The following UNC80 variants were observed in gnomAD, a reference collection of about 807,000 sequenced individuals.
UNC80 encodes the protein protein unc-80 homolog.
In UNC80, 164 loss-of-function variants were observed where a neutral mutation model predicts 384.6. That is an observed-to-expected ratio of 0.43 (90% CI 0.38 to 0.49). UNC80 has a LOEUF of 0.49. Ranked by LOEUF, UNC80 falls within the 20% of genes least tolerant of loss-of-function variation. UNC80 has a pLI of 0.00. For synonymous variants in UNC80, 1,486 were observed against 1,527.8 expected (o/e 0.97, Z 0.64); for missense variants, 3,330 against 4,143.0 (o/e 0.80, Z 5.39).
chr2:209,780,541 G>T (rs2077099078), intron 4 of UNC80, among the ~76,000 whole-genome samples: 1 of 152,038 alleles, frequency 6.6e-6, no homozygotes, highest in Non-Finnish European at 1.5e-5. Context: ...TTGGCATTTG[G>T]GGCCAGATAA....
chr2:209,984,553 C>T (rs1389989171), intron 60 of UNC80, among the ~76,000 whole-genome samples: 1 of 152,144 alleles, frequency 6.6e-6, no homozygotes, highest in East Asian at 1.9e-4. Flanking sequence ...CAGATTCATT[C>T]TGCAATGTGT....
intron 13 of UNC80, among the ~76,000 whole-genome samples, chr2:209,823,119 A>G (rs2080258419): frequency 6.6e-6 from 1 of 152,220 alleles, no homozygotes; most frequent in Non-Finnish European, 1.5e-5. Flanking sequence ...TAAGATAGAA[A>G]GGAAGATCTA....
chr2:209,943,557 T>C (rs1157841079), intron 45 of UNC80, 43 bp downstream of exon 45: 1 of 1,546,952 alleles, frequency 6.5e-7, no homozygotes, highest in Non-Finnish European at 8.7e-7. Context: ...ACCAACAAAA[T>C]GAGAAAAGCA....
chr2:209,969,963 G>A, intron 53 of UNC80, 72 bp downstream of exon 53: 3 of 1,521,746 alleles, frequency 2.0e-6, no homozygotes, highest in Non-Finnish European at 1.8e-6. Context: ...CTGAATTGAA[G>A]ATTTACAGGT....
chr2:209,808,973 C>G, intron 7 of UNC80: 1 of 318,600 alleles, frequency 3.1e-6, no homozygotes. Flanking sequence ...GCCTTCCTGG[C>G]GCTCCAAGCA....
At chr2:209,777,174 A>G (rs1012432270) in intron 3 of UNC80, 84 bp from the exon 4 acceptor site, 1 of 1,406,770 alleles carries the variant, frequency 7.1e-7, no homozygotes. Context: ...GAAAGGAGGG[A>G]TATTCTTCCC....
intron 21 of UNC80, among the ~76,000 whole-genome samples, chr2:209,847,112 A>G (rs2082225784): frequency 6.6e-6 from 1 of 151,988 alleles, no homozygotes; most frequent in African/African-American, 2.4e-5. Flanking sequence ...TCTTGCCTTT[A>G]TAACTGTCCA....
intron 38 of UNC80, among the ~76,000 whole-genome samples, chr2:209,933,303 T>A (rs564062689): frequency 3.9e-5 from 6 of 151,920 alleles, no homozygotes; most frequent in African/African-American, 1.5e-4. Flanking sequence ...GCTGATAAAA[T>A]AATGTAAGGT....
intron 25 of UNC80, among the ~76,000 whole-genome samples, chr2:209,884,173 AC>A (rs2085561637): frequency 6.6e-6 from 1 of 152,230 alleles, no homozygotes; most frequent in African/African-American, 2.4e-5. Context: ...CTTGAGAACA[AC>A]AAAGGAATAT....
chr2:209,971,952 A>AT (rs1487803175), intron 54 of UNC80, among the ~76,000 whole-genome samples: 2 of 152,172 alleles, frequency 1.3e-5, no homozygotes, highest in African/African-American at 4.8e-5. Context: ...CCTGACCATA[A>AT]GTATTCTAAT....
At chr2:209,789,407 A>G in intron 5 of UNC80, 125 bp from the exon 6 acceptor site, 1 of 667,758 alleles carries the variant, frequency 1.5e-6, no homozygotes, top group South Asian at 2.0e-5. Context: ...AATATGCGTT[A>G]ATGTCTTCTT....
In UNC80 at chr2:209,820,615, ATGGAGGAGGAGG is replaced by A. The variant is rs767181561; in HGVS notation, c.2277_2288del (p.Gly763_Gly766del). The A allele has an allele frequency of 5.6e-5, 86 of 1,546,772 alleles. No individual in the cohort carries two copies. The East Asian group carries it at 5.9e-4, about 11-fold the overall frequency. ...GGAGATGGAGGAGGTGGAGGAGGTG[ATGGAGGAGGAGG>A]TGGAGGAGGTGGAGGCGGCCCTTAT... On this transcript the variant is annotated inframe_deletion, in exon 13 of 65. Transcript: ENST00000673920.
rs560737482 is a variant in UNC80, at chr2:209,937,757, C to T, written c.6465+127C>T. 5.9e-6 allele frequency: 4 copies of T among 675,464 alleles called. No individual in the cohort carries two copies. The Admixed American group carries it at 7.4e-5, about 13-fold the overall frequency. The allele number at this position is 675,464 out of a possible 1,614,324, so 41.8% of individuals were successfully genotyped here. A position where few individuals can be genotyped will look rare whatever the true frequency, so the allele number is the denominator to read the frequency against. On this transcript the variant is annotated intron_variant, in intron 42 of 64. Coordinates refer to ENST00000673920, the MANE Select transcript of UNC80 (RefSeq NM_001371986.1). ...CCCTCTCTGGAGACAGTAGTTGGCC[C>T]TCACTCAACAAATTATTCCCCTAAA... is the stretch of plus-strand genomic sequence containing the variant.
intron 46 of UNC80, among the ~76,000 whole-genome samples, chr2:209,945,626 C>T (rs2091878641): frequency 6.6e-6 from 1 of 152,018 alleles, no homozygotes; most frequent in Non-Finnish European, 1.5e-5. Context: ...TTTAAACACT[C>T]CAGAAAAGTA....
chr2:209,928,104 G>A (rs2090573153), intron 36 of UNC80, among the ~76,000 whole-genome samples: 1 of 152,188 alleles, frequency 6.6e-6, no homozygotes, highest in Admixed American at 6.5e-5. Flanking sequence ...GGAAGGCTGA[G>A]GCAGGCAGAT....
At chr2:209,910,298 G>C (rs2088768094) in intron 29 of UNC80, among the ~76,000 whole-genome samples, 1 of 151,780 alleles carries the variant, frequency 6.6e-6, no homozygotes, top group East Asian at 2.0e-4. Flanking sequence ...GATGCCTTTG[G>C]AACTAGTCTC....
chr2:209,880,894 T>A, intron 24 of UNC80, 67 bp from the exon 25 acceptor site: 1 of 1,474,302 alleles, frequency 6.8e-7, no homozygotes, highest in Non-Finnish European at 9.2e-7. Context: ...GCTATGTCCA[T>A]CAAACTATGC....
chr2:209,934,079 C>T, intron 39 of UNC80, 74 bp downstream of exon 39: 1 of 1,348,174 alleles, frequency 7.4e-7, no homozygotes, highest in Middle Eastern at 2.7e-4. Flanking sequence ...GACTAAGAGT[C>T]TCTTTCATTC....
rs2086019490 is a variant in UNC80, at chr2:209,888,341, A to C, written c.4276+81A>C. The C allele has an allele frequency of 8.5e-6, 12 of 1,405,032 alleles. No homozygotes were observed. In the South Asian group the frequency reaches 1.6e-4, roughly 19 times the overall value. 87.0% of individuals were successfully genotyped at this position (1,405,032 alleles called of 1,614,324 possible). ...ATTTGCACTAGGGTCTAAACTACAA[A>C]ATTGTGTACCCAAATTGTTGACTTC... On this transcript the variant is annotated intron_variant, in intron 26 of 64. Transcript: ENST00000673920.
Sources: allele counts gnomAD v4.1 joint callset (sites outside exome capture counted in the v4.1 genomes callset), GRCh38; gene constraint gnomAD v4.1.1; transcripts MANE v1.5; gene names NCBI Gene and HGNC (gene_info 2026-07-23, HGNC 2026-07-21).